Variants in SBNO1 observed in about 807,000 individuals in gnomAD.
SBNO1 encodes strawberry notch homolog 1, also known as protein strawberry notch homolog 1.
A neutral mutation model predicts 173.6 loss-of-function variants in SBNO1; 23 were observed. That is an observed-to-expected ratio of 0.13 (90% CI 0.10 to 0.19). The LOEUF (loss-of-function observed/expected upper bound fraction) is 0.19. Among genes scored for constraint, SBNO1 ranks in the 10% least tolerant of loss-of-function variants. SBNO1 has a pLI of 1.00. For missense variants in SBNO1, 1,238 were observed against 1,671.2 expected, an observed-to-expected ratio of 0.74 and a Z score of 4.52; for synonymous variants, 632 against 571.5, an observed-to-expected ratio of 1.11 and a Z score of -1.51.
In SBNO1 at chr12:123,320,750, G is replaced by A; in HGVS notation, c.2440C>T (p.Pro814Ser). The A allele has an allele frequency of 1.2e-6, 2 of 1,612,580 alleles. No homozygotes were observed. The highest frequency in any genetic ancestry group is 1.7e-6 in the Non-Finnish European group (2 of 1,179,538). Reference sequence around the variant, plus strand: ...ATAACTGGTGTAGATGAAAAACTAGGTCGTTTTGATCCAAGACCTGATGCT... The same window carrying A: ...ATAACTGGTGTAGATGAAAAACTAGATCGTTTTGATCCAAGACCTGATGCT... ...LLASGLGSKR[P>S]SFSSTPVISP... The change falls in exon 18 of 32, where the codon CCT (proline) becomes TCT (serine). Residue 814 changes from proline to serine, a missense_variant. Physicochemically the swap from Pro to Ser is moderately conservative, Grantham distance 74. Around this residue, in one of 14 missense-constraint regions of SBNO1, gnomAD observed 74 missense variants for 68.5 expected, o/e 1.08. Transcript: ENST00000602398.
chr12:123,347,448 G>C (rs902158591), intron 3 of SBNO1, among the ~76,000 whole-genome samples: 3 of 151,840 alleles, frequency 2.0e-5, no homozygotes, highest in Non-Finnish European at 4.4e-5. Context: ...GGATGGTCTC[G>C]ATCTCCTGAC....
In SBNO1 at chr12:123,362,713, G is replaced by C. The variant is rs932218683; in HGVS notation, c.-1+1988C>G. Reference sequence around the variant, plus strand: ...GAACCCTGAAGGCAGAGGTTGCAGTGAGCCGAGTTCATACCACTACACTCC... The same window carrying C: ...GAACCCTGAAGGCAGAGGTTGCAGTCAGCCGAGTTCATACCACTACACTCC... On this transcript the variant is annotated intron_variant, in intron 1 of 31. Coordinates refer to ENST00000602398, the MANE Select transcript of SBNO1 (RefSeq NM_001167856.3). Among the ~76,000 whole-genome samples, 7 of 141,666 alleles carry C rather than the reference G, an allele frequency of 4.9e-5. No individual in the cohort carries two copies. In the Middle Eastern group the frequency reaches 0.017, roughly 340 times the overall value. The allele number at this position is 141,666 out of a possible 152,430, so 92.9% of individuals were successfully genotyped here. A position where few individuals can be genotyped will look rare whatever the true frequency, so the allele number is the denominator to read the frequency against.
intron 30 of SBNO1, among the ~76,000 whole-genome samples, chr12:123,298,850 G>C (rs370157710): frequency 5.2e-4 from 79 of 152,320 alleles, no homozygotes; most frequent in African/African-American, 1.8e-3. Flanking sequence ...AGCTCTTTGG[G>C]AGGCTGAGGA....
At chr12:123,304,749 AT>A in intron 28 of SBNO1, 30 bp from the exon 29 acceptor site, 3 of 1,334,274 alleles carry the variant, frequency 2.2e-6, no homozygotes, top group Non-Finnish European at 3.2e-6. Context: ...AAATATAAAG[AT>A]TTTATAATAC....
rs1182325574 is a variant in SBNO1, at chr12:123,289,579, C to T, written c.*6329G>A. On this transcript the variant is annotated 3_prime_UTR_variant, in exon 32 of 32. Coordinates refer to ENST00000602398, the MANE Select transcript of SBNO1 (RefSeq NM_001167856.3). ...CAGATTAGTAAAGGAGAACCATCTA[C>T]ACCTACATAGAAAAGTATCCTTTGC... The T allele has an allele frequency of 6.6e-6, 1 of 152,258 alleles. No homozygotes were observed. The highest frequency in any genetic ancestry group is 6.5e-5 in the Admixed American group (1 of 15,280). The allele number at this position is 152,258 out of a possible 1,614,324, so 9.4% of individuals were successfully genotyped here.
At position 123,313,714 on chromosome 12, in the gene SBNO1, T is replaced by C; in HGVS notation, c.3126A>G (p.Gly1042=). The part of the protein sequence containing the change: ...LSRFNFDNKY[G]RNALEIVMKS... ...TCATGACAATTTCTAAAGCATTTCT[T>C]CCATACTGCAAAAAAAAATCAAAAC... Residue 1042 remains glycine (G), a synonymous_variant, in exon 24 of 32, where the codon GGA becomes GGG. Coordinates refer to ENST00000602398, the MANE Select transcript of SBNO1 (RefSeq NM_001167856.3). 6.3e-7 allele frequency: 1 copy of C among 1,592,876 alleles called. No homozygotes were observed. The highest frequency in any genetic ancestry group is 8.6e-7 in the Non-Finnish European group (1 of 1,162,696).
intron 20 of SBNO1, among the ~76,000 whole-genome samples, chr12:123,318,627 G>A (rs1336301270): frequency 2.0e-5 from 3 of 151,882 alleles, no homozygotes; most frequent in Non-Finnish European, 4.4e-5. Context: ...CAGCTACTCG[G>A]GAGGCTGAGG....
At chr12:123,353,336 A>C (rs1472851579) in intron 1 of SBNO1, among the ~76,000 whole-genome samples, 2 of 152,196 alleles carry the variant, frequency 1.3e-5, no homozygotes, top group Non-Finnish European at 2.9e-5. Context: ...TCACGCAGGA[A>C]GTGGTAGAAG....
intron 1 of SBNO1, chr12:123,363,999 G>A (rs1875748495): frequency 2.0e-6 from 2 of 985,314 alleles, no homozygotes; most frequent in Non-Finnish European, 2.4e-6. Flanking sequence ...TATGCCAAAC[G>A]CTCTCAAAGT....
At chr12:123,331,501 AT>A in intron 7 of SBNO1, 126 bp from the exon 8 acceptor site, 2 of 861,822 alleles carry the variant, frequency 2.3e-6, no homozygotes, top group South Asian at 2.0e-5. Flanking sequence ...TTGTGACTTT[AT>A]TTTTACATAA....
chr12:123,324,307 G>A (rs1870344680), intron 15 of SBNO1, among the ~76,000 whole-genome samples: 1 of 146,058 alleles, frequency 6.8e-6, no homozygotes, highest in Non-Finnish European at 1.5e-5. Flanking sequence ...ATTAGCAGGT[G>A]TATGTCTTGC....
intron 30 of SBNO1, among the ~76,000 whole-genome samples, chr12:123,299,216 A>T (rs1246412380): frequency 6.6e-6 from 1 of 152,082 alleles, no homozygotes; most frequent in African/African-American, 2.4e-5. Flanking sequence ...AAAATACAAA[A>T]AATTAGCCAG....
chr12:123,354,001 G>C (rs965588524), intron 1 of SBNO1, among the ~76,000 whole-genome samples: 9 of 152,276 alleles, frequency 5.9e-5, no homozygotes, highest in East Asian at 1.9e-4. Flanking sequence ...CAAAAGTGTA[G>C]AGATGCCATT....
chr12:123,313,700 T>C lies in SBNO1; in HGVS notation c.3140A>G (p.Glu1047Gly), dbSNP rs1868908946. Residue 1047 changes from glutamate to glycine, a missense_variant, in exon 24 of 32, where the codon GAA becomes GGA. By Grantham distance (98) the Glu-to-Gly change is moderately conservative. Transcript: ENST00000602398. ...GTTTACAATGGATTTCATGACAATTTCTAAAGCATTTCTTCCATACTGCAA... is the reference window on the plus strand; with the variant it reads ...GTTTACAATGGATTTCATGACAATTCCTAAAGCATTTCTTCCATACTGCAA... ...FDNKYGRNALEIVMKSIVNLD... is the reference protein window; with the variant it reads ...FDNKYGRNALGIVMKSIVNLD... 1 of 1,606,698 alleles carries C rather than the reference T, an allele frequency of 6.2e-7. No homozygotes were observed. The highest frequency in any genetic ancestry group is 8.5e-7 in the Non-Finnish European group (1 of 1,174,140).
intron 1 of SBNO1, among the ~76,000 whole-genome samples, chr12:123,362,508 G>A (rs985087224): frequency 5.6e-5 from 8 of 142,638 alleles, no homozygotes; most frequent in African/African-American, 2.1e-4. Flanking sequence ...GCTCACGGCT[G>A]TAATTCCAGC....
At chr12:123,358,085 T>C (rs1481540853) in intron 1 of SBNO1, among the ~76,000 whole-genome samples, 1 of 152,242 alleles carries the variant, frequency 6.6e-6, no homozygotes, top group Non-Finnish European at 1.5e-5. Flanking sequence ...TTGGAATACC[T>C]GTACATACAT....
chr12:123,358,742 CAAAAAAAAAAAA>C (rs1164585887), intron 1 of SBNO1, among the ~76,000 whole-genome samples: 1 of 78,424 alleles, frequency 1.3e-5, no homozygotes, highest in Admixed American at 1.9e-4. Flanking sequence ...GACTCCGTCT[CAAAAAAAAAAAA>C]AAAAAAAAAA....
In SBNO1 at chr12:123,325,409, CA is replaced by C. The variant is rs529049690; in HGVS notation, c.1973+92del. 234 of 845,290 alleles carry C rather than the reference CA, an allele frequency of 2.8e-4. 1 individual carries two copies. The highest frequency in any genetic ancestry group is 8.4e-4 in the Admixed American group (39 of 46,204). The allele number at this position is 845,290 out of a possible 1,614,324, so 52.4% of individuals were successfully genotyped here. On this transcript the variant is annotated intron_variant, in intron 15 of 31. Transcript: ENST00000602398. ...AAACTTAAAGATGATGCAGGTGAAACAAAAGTTTTGTCTCCAGGAAATGCCC... is the reference window on the plus strand; with the variant it reads ...AAACTTAAAGATGATGCAGGTGAAACAAAGTTTTGTCTCCAGGAAATGCCC...
intron 30 of SBNO1, among the ~76,000 whole-genome samples, chr12:123,298,396 A>G (rs2048674637): frequency 6.6e-6 from 1 of 151,960 alleles, no homozygotes; most frequent in South Asian, 2.1e-4. Context: ...CCTCCCGAGT[A>G]ACTGGGACTT....
Sources: allele counts gnomAD v4.1 joint callset (sites outside exome capture counted in the v4.1 genomes callset), GRCh38; gene constraint gnomAD v4.1.1; regional missense constraint gnomAD v4.1.1; transcripts MANE v1.5; gene names NCBI Gene and HGNC (gene_info 2026-07-23, HGNC 2026-07-21).